PECAM1: variants seen among roughly 807,000 people sequenced by gnomAD.
PECAM1 encodes the protein platelet and endothelial cell adhesion molecule 1, also known as platelet endothelial cell adhesion molecule.
PECAM1 carries 8 observed loss-of-function variants against 13.8 expected under a neutral mutation model. That is an observed-to-expected ratio of 0.58 (90% CI 0.34 to 1.05). PECAM1 has a LOEUF of 1.05. Among genes scored for constraint, PECAM1 ranks in the 50% least tolerant of loss-of-function variants. The pLI is 0.03. For synonymous variants in PECAM1, 136 were observed against 52.6 expected, an observed-to-expected ratio of 2.58 and a Z score of -6.86; for missense variants, 304 against 141.2, an observed-to-expected ratio of 2.15 and a Z score of -5.84.
intron 5 of PECAM1, among the ~76,000 whole-genome samples, chr17:64,367,277 C>A (rs958292495): frequency 6.6e-6 from 1 of 152,018 alleles, no homozygotes; most frequent in Non-Finnish European, 1.5e-5. Flanking sequence ...ACTGGCAGGG[C>A]GTGGTGGCTC....
In PECAM1 at chr17:64,323,776, C is replaced by T. The variant is rs782629869; in HGVS notation, c.*40G>A. 2 of 1,078,242 alleles carry T rather than the reference C, an allele frequency of 1.9e-6. No homozygotes were observed. Among genetic ancestry groups the T allele is most frequent in the Middle Eastern group, 3.9e-4 (2 of 5,074 alleles). 66.8% of individuals were successfully genotyped at this position (1,078,242 alleles called of 1,614,324 possible). ...CAGGGATTATCTGTTCTTCTCGGAA[C>T]ATGGATGTCCTTCCAGGGATGTGCA... On this transcript the variant is annotated 3_prime_UTR_variant, in exon 16 of 16. Coordinates refer to ENST00000563924, the MANE Select transcript of PECAM1 (RefSeq NM_000442.5).
intron 2 of PECAM1, among the ~76,000 whole-genome samples, chr17:64,381,078 G>A (rs1035379358): frequency 2.6e-5 from 4 of 152,206 alleles, no homozygotes; most frequent in East Asian, 1.9e-4. Context: ...GAGGGGCTAT[G>A]GGGTAGGGAG....
In PECAM1 at chr17:64,320,675, CAGG is replaced by C. The variant is rs1166900883; in HGVS notation, c.*3138_*3140del. On this transcript the variant is annotated 3_prime_UTR_variant, in exon 16 of 16. Transcript: ENST00000563924. ...TGCATCTCTACTGGGTTGTACCTTC[CAGG>C]AGGACAGCTGCCATGTGACTCTTGT... is the stretch of plus-strand genomic sequence containing the variant. The C allele has an allele frequency of 1.3e-5, 2 of 152,278 alleles. No homozygotes were observed. The highest frequency in any genetic ancestry group is 4.8e-5 in the African/African-American group (2 of 41,444). 9.4% of individuals were successfully genotyped at this position (152,278 alleles called of 1,614,324 possible).
chr17:64,356,307 T>A lies in PECAM1; in HGVS notation c.1584A>T (p.Gly528=). The A allele has an allele frequency of 2.1e-6, 1 of 474,562 alleles. No homozygotes were observed. Among genetic ancestry groups the A allele is most frequent in the Non-Finnish European group, 3.9e-6 (1 of 258,838 alleles). The allele number at this position is 474,562 out of a possible 1,614,324, so 29.4% of individuals were successfully genotyped here. A position where few individuals can be genotyped will look rare whatever the true frequency, so the allele number is the denominator to read the frequency against. ...AAAACTTATAGGTGATGGGACCAGA[T>A]CCTTCATTCACAGCACATTGCAGCA... ...DIVLQCAVNE[G]SGPITYKFYR... is the part of the protein sequence containing the mutation. Residue 528 remains glycine (G), a synonymous_variant, in exon 8 of 16, where the codon GGA becomes GGT. Coordinates refer to ENST00000563924, the MANE Select transcript of PECAM1 (RefSeq NM_000442.5).
At position 64,365,171 on chromosome 17, in the gene PECAM1, A is replaced by G. The variant is rs1182262725; in HGVS notation, c.968-1774T>C. ...ACAAAAATCACAAGCATTCTTATACACCAATAACAGACAAACAGAGAGCCA... is the reference window on the plus strand; with the variant it reads ...ACAAAAATCACAAGCATTCTTATACGCCAATAACAGACAAACAGAGAGCCA... On this transcript the variant is annotated intron_variant, in intron 5 of 15. Coordinates refer to ENST00000563924, the MANE Select transcript of PECAM1 (RefSeq NM_000442.5). Among the ~76,000 whole-genome samples, 3 of 149,980 alleles carry G rather than the reference A, an allele frequency of 2.0e-5. No homozygotes were observed. In the East Asian group the frequency reaches 5.8e-4, roughly 29 times the overall value.
At chr17:64,366,466 A>C (rs1478006364) in intron 5 of PECAM1, among the ~76,000 whole-genome samples, 3 of 150,226 alleles carry the variant, frequency 2.0e-5, no homozygotes, top group Non-Finnish European at 4.4e-5. Context: ...CAGCCATCCC[A>C]TTACTGGGTA....
chr17:64,373,331 G>C (rs2036284467), intron 4 of PECAM1, among the ~76,000 whole-genome samples: 1 of 152,010 alleles, frequency 6.6e-6, no homozygotes, highest in South Asian at 2.1e-4. Flanking sequence ...CAGAAGATGA[G>C]GTAAATCACT....
In PECAM1 at chr17:64,350,376, T is replaced by C; in HGVS notation, c.2044+4A>G. ...CTAATAAAAACATGTAATTAGATAA[T>C]TACCTTTATTATCATTTATTGGTTT... On this transcript the variant is annotated splice_donor_region_variant and intron_variant, in intron 12 of 15. Transcript: ENST00000563924. 1 of 416,424 alleles carries C rather than the reference T, an allele frequency of 2.4e-6. No individual in the cohort carries two copies. Among genetic ancestry groups the C allele is most frequent in the Non-Finnish European group, 4.4e-6 (1 of 227,630 alleles). The allele number at this position is 416,424 out of a possible 1,614,324, so 25.8% of individuals were successfully genotyped here.
rs2143643405 is a variant in PECAM1 at position 64,322,123 on chromosome 17, C to A, written c.*1693G>T. 1 of 1,075,942 alleles carries A rather than the reference C, an allele frequency of 9.3e-7. No homozygotes were observed. Among genetic ancestry groups the A allele is most frequent in the Non-Finnish European group, 1.1e-6 (1 of 869,844 alleles). 66.6% of individuals were successfully genotyped at this position (1,075,942 alleles called of 1,614,324 possible). A position where few individuals can be genotyped will look rare whatever the true frequency, so the allele number is the denominator to read the frequency against. ...GGTGGCTCACGCCTGCAATCCCAAC[C>A]CAAAGGCCTGTGGAGCACACATGAG... is the stretch of plus-strand genomic sequence containing the variant. On this transcript the variant is annotated 3_prime_UTR_variant, in exon 16 of 16. Transcript: ENST00000563924.
intron 8 of PECAM1, among the ~76,000 whole-genome samples, chr17:64,355,573 T>A (rs1317989476): frequency 4.6e-5 from 7 of 151,522 alleles, no homozygotes; most frequent in African/African-American, 1.7e-4. Flanking sequence ...GATTCTCATG[T>A]CTCAGCCTCC....
intron 2 of PECAM1, among the ~76,000 whole-genome samples, chr17:64,379,587 T>C (rs1276520868): frequency 6.6e-6 from 1 of 152,254 alleles, no homozygotes; most frequent in East Asian, 1.9e-4. Context: ...CCTTGACATA[T>C]CTCAAAGCAC....
rs971361868 is a variant in PECAM1, at chr17:64,378,806, T to C, written c.92-689A>G. The C allele has an allele frequency of 5.3e-5, 8 of 152,302 alleles. No individual in the cohort carries two copies. The South Asian group carries it at 1.7e-3, about 32-fold the overall frequency. 9.4% of individuals were successfully genotyped at this position (152,302 alleles called of 1,614,324 possible). ...GAGCTCAGTTTCCTTACCTGTAGGA[T>C]GGAGTAATCATATCTCATTAGGTCT... On this transcript the variant is annotated intron_variant, in intron 2 of 15. Coordinates refer to ENST00000563924, the MANE Select transcript of PECAM1 (RefSeq NM_000442.5).
At chr17:64,353,306 TACACACACACACAC>T (rs138867178) in intron 10 of PECAM1, among the ~76,000 whole-genome samples, 171 bp downstream of exon 10, 1 of 28,302 alleles carries the variant, frequency 3.5e-5, no homozygotes, top group African/African-American at 4.4e-5. Flanking sequence ...TCCACGGAGG[TACACACACACACAC>T]ACACACACAC....
chr17:64,373,874 C>G (rs1241183785), intron 4 of PECAM1, among the ~76,000 whole-genome samples: 2 of 152,160 alleles, frequency 1.3e-5, no homozygotes, highest in Non-Finnish European at 2.9e-5. Context: ...CTTCTCCCGG[C>G]TTGGCAAATG....
intron 15 of PECAM1, among the ~76,000 whole-genome samples, chr17:64,327,493 A>G (rs782603043): frequency 1.3e-5 from 2 of 152,134 alleles, no homozygotes; most frequent in East Asian, 3.9e-4. Flanking sequence ...GACAGTTTCC[A>G]CTGTAGCCCA....
intron 2 of PECAM1, chr17:64,390,056 A>G (rs1407658561): frequency 9.7e-5 from 15 of 154,064 alleles, no homozygotes; most frequent in Non-Finnish European, 2.8e-5. Context: ...AAAAAAAAGG[A>G]AAAAAAAAAG....
intron 12 of PECAM1, among the ~76,000 whole-genome samples, chr17:64,349,807 C>T (rs1263950167): frequency 1.3e-5 from 2 of 151,892 alleles, no homozygotes; most frequent in East Asian, 1.9e-4. Flanking sequence ...ATTGCTTGAA[C>T]CCGGGAGGTG....
intron 14 of PECAM1, among the ~76,000 whole-genome samples, chr17:64,329,991 G>A (rs561529190): frequency 5.9e-5 from 9 of 151,642 alleles, no homozygotes; most frequent in East Asian, 1.9e-4. Context: ...ACAGAGTCTC[G>A]CTTTGTCACT....
chr17:64,321,529 G>A lies in PECAM1; in HGVS notation c.*2287C>T. The A allele has an allele frequency of 2.4e-5, 20 of 816,380 alleles. No individual in the cohort carries two copies. The highest frequency in any genetic ancestry group is 3.0e-5 in the Non-Finnish European group (20 of 664,960). The allele number at this position is 816,380 out of a possible 1,614,324, so 50.6% of individuals were successfully genotyped here. ...TCCCAGCACTTTGCGAGGCCAAGGA[G>A]GGAGGATCACTTGAGCCCAGAAGTT... On this transcript the variant is annotated 3_prime_UTR_variant, in exon 16 of 16. Coordinates refer to ENST00000563924, the MANE Select transcript of PECAM1 (RefSeq NM_000442.5).
Sources: gnomAD v4.1 joint callset for allele counts (sites outside exome capture counted in the v4.1 genomes callset) on GRCh38, gnomAD v4.1.1 for gene constraint, MANE v1.5 for transcripts, NCBI Gene and HGNC (gene_info 2026-07-23, HGNC 2026-07-21) for gene names.